PLA2G4A: variants seen among roughly 807,000 people sequenced by gnomAD.
The protein encoded by PLA2G4A is phospholipase A2 group IVA.
PLA2G4A carries 40 observed loss-of-function variants against 81.9 expected under a neutral mutation model. The ratio of observed to expected loss-of-function variants is 0.49; its 90% confidence interval spans 0.38 to 0.64. The LOEUF is 0.64. Among genes scored for constraint, PLA2G4A ranks in the 30% least tolerant of loss-of-function variants. PLA2G4A has a pLI of 0.00. For synonymous variants in PLA2G4A, 302 were observed against 296.9 expected, an observed-to-expected ratio of 1.02 and a Z score of -0.18; for missense variants, 715 against 905.1, an observed-to-expected ratio of 0.79 and a Z score of 2.69.
chr1:186,971,813 T>C (rs1657365852), intron 15 of PLA2G4A, among the ~76,000 whole-genome samples: 2 of 152,004 alleles, frequency 1.3e-5, no homozygotes, highest in African/African-American at 4.8e-5. Context: ...GGAGTCTACA[T>C]AAAGTTCTTT....
At chr1:186,881,035 C>T (rs1653712382) in intron 3 of PLA2G4A, among the ~76,000 whole-genome samples, 1 of 151,990 alleles carries the variant, frequency 6.6e-6, no homozygotes, top group African/African-American at 2.4e-5. Context: ...TACCAACTCT[C>T]AGTTAGCTAT....
At chr1:186,886,428 T>A (rs1653940548) in intron 3 of PLA2G4A, among the ~76,000 whole-genome samples, 1 of 152,156 alleles carries the variant, frequency 6.6e-6, no homozygotes, top group Non-Finnish European at 1.5e-5. Flanking sequence ...ACCAGCTTAG[T>A]ACATGGGTAG....
At chr1:186,849,048 C>CT (rs1233450113) in intron 1 of PLA2G4A, among the ~76,000 whole-genome samples, 1 of 151,964 alleles carries the variant, frequency 6.6e-6, no homozygotes, top group Non-Finnish European at 1.5e-5. Context: ...ACTTGTTCTG[C>CT]TTTTTTTAAA....
At chr1:186,844,440 G>T (rs1349580812) in intron 1 of PLA2G4A, among the ~76,000 whole-genome samples, 1 of 152,156 alleles carries the variant, frequency 6.6e-6, no homozygotes, top group East Asian at 1.9e-4. Flanking sequence ...TTTGCTTTTA[G>T]AATATGCTTC....
chr1:186,912,598 A>G (rs1484321901), intron 7 of PLA2G4A, among the ~76,000 whole-genome samples: 1 of 151,518 alleles, frequency 6.6e-6, no homozygotes, highest in African/African-American at 2.4e-5. Flanking sequence ...TCACTTAGTA[A>G]TACGAATATA....
In PLA2G4A at chr1:186,975,697, C is replaced by T. The variant is rs149700229; in HGVS notation, c.1765-1896C>T. Among the ~76,000 whole-genome samples the T allele has an allele frequency of 6.5e-3, 983 of 152,246 alleles. 13 individuals are homozygous for T. Among genetic ancestry groups the T allele is most frequent in the African/African-American group, 0.022 (926 of 41,548 alleles). ...GTGAATAATCTAGTCTGTGTTTGTT[C>T]GTTCCTCATTATCTCTGCGTTGCCT... On this transcript the variant is annotated intron_variant, in intron 15 of 17. Coordinates refer to ENST00000367466, the MANE Select transcript of PLA2G4A (RefSeq NM_024420.3).
chr1:186,939,495 A>C lies in PLA2G4A; in HGVS notation c.918+265A>C, dbSNP rs998825119. Among the ~76,000 whole-genome samples, 4 of 11,012 alleles carry C rather than the reference A, an allele frequency of 3.6e-4. No individual in the cohort carries two copies. In the African/African-American group the frequency reaches 3.8e-3, roughly 10 times the overall value. The allele number at this position is 11,012 out of a possible 152,430, so 7.2% of individuals were successfully genotyped here. On this transcript the variant is annotated intron_variant, in intron 9 of 17. Transcript: ENST00000367466. Reference sequence around the variant, plus strand: ...GCTTTTGTATTCCTTTTCTCTGGAAAAAAAAAAAAAAAAAAAAATTCACAT... The same window carrying C: ...GCTTTTGTATTCCTTTTCTCTGGAACAAAAAAAAAAAAAAAAAATTCACAT...
chr1:186,878,613 T>TTAG (rs1653608081), intron 3 of PLA2G4A, among the ~76,000 whole-genome samples: 1 of 151,882 alleles, frequency 6.6e-6, no homozygotes. Context: ...ATATAATGTG[T>TTAG]TAGTAAGGCA....
At chr1:186,968,626 G>A (rs186237754) in intron 15 of PLA2G4A, among the ~76,000 whole-genome samples, 148 of 151,662 alleles carry the variant, frequency 9.8e-4, no homozygotes, top group Non-Finnish European at 1.0e-3. Context: ...ATACAGATAC[G>A]TATTTATTTA....
At chr1:186,833,114 A>G (rs76367492) in intron 1 of PLA2G4A, among the ~76,000 whole-genome samples, 38 of 152,148 alleles carry the variant, frequency 2.5e-4, no homozygotes, top group Admixed American at 2.0e-4. Context: ...TGACTGTTCA[A>G]GTTTTGTAAG....
At chr1:186,837,912 T>C (rs1379317513) in intron 1 of PLA2G4A, among the ~76,000 whole-genome samples, 2 of 152,038 alleles carry the variant, frequency 1.3e-5, no homozygotes, top group African/African-American at 4.8e-5. Context: ...CATTGCCTCC[T>C]TTGTGGCAGG....
chr1:186,837,855 G>A (rs1651844221), intron 1 of PLA2G4A, among the ~76,000 whole-genome samples: 1 of 152,006 alleles, frequency 6.6e-6, no homozygotes, highest in East Asian at 1.9e-4. Flanking sequence ...GAGGGATTTT[G>A]CATCCAGAGA....
chr1:186,986,805 C>G (rs1002849021), intron 17 of PLA2G4A, among the ~76,000 whole-genome samples: 2 of 152,188 alleles, frequency 1.3e-5, no homozygotes, highest in South Asian at 2.1e-4. Flanking sequence ...TAATTGCCCT[C>G]CATCTCACAC....
chr1:186,937,092 A>G (rs1655975889), intron 8 of PLA2G4A, among the ~76,000 whole-genome samples: 1 of 151,738 alleles, frequency 6.6e-6, no homozygotes, highest in Non-Finnish European at 1.5e-5. Flanking sequence ...GGACACCATG[A>G]AAAGATTATC....
intron 3 of PLA2G4A, among the ~76,000 whole-genome samples, chr1:186,876,930 C>A (rs1012463654): frequency 3.9e-5 from 6 of 152,076 alleles, no homozygotes; most frequent in Non-Finnish European, 5.9e-5. Context: ...CTGCTTAATC[C>A]TCTTCAGAGG....
chr1:186,868,710 A>T (rs1418166268), intron 2 of PLA2G4A, among the ~76,000 whole-genome samples: 1 of 152,152 alleles, frequency 6.6e-6, no homozygotes, highest in African/African-American at 2.4e-5. Flanking sequence ...TCTTTAATAG[A>T]TATGCACCTA....
In PLA2G4A at chr1:186,979,943, C is replaced by CTTTTTTTT. The variant is rs34029312; in HGVS notation, c.2118+486_2118+493dup. 6.0e-4 allele frequency among the ~76,000 whole-genome samples: 59 copies of CTTTTTTTT among 98,796 alleles called. 2 individuals carry two copies. Among genetic ancestry groups the CTTTTTTTT allele is most frequent in the East Asian group, 9.8e-4 (3 of 3,058 alleles). 64.8% of individuals were successfully genotyped at this position (98,796 alleles called of 152,430 possible). The stretch of plus-strand genomic sequence containing the variant: ...GCATCACAAAACGTAACAGCATTTC[C>CTTTTTTTT]TTTTTTTTTTTTTTTTTTTTTTGAG... On this transcript the variant is annotated intron_variant, in intron 17 of 17. Transcript: ENST00000367466.
Position 186,988,373 on chromosome 1 carries a change from G to T in PLA2G4A, c.2119-4G>T. The T allele has an allele frequency of 6.2e-7, 1 of 1,608,498 alleles. No individual in the cohort carries two copies. The highest frequency in any genetic ancestry group is 1.1e-5 in the South Asian group (1 of 90,912). On this transcript the variant is annotated splice_polypyrimidine_tract_variant and splice_region_variant and intron_variant, in intron 17 of 17. Coordinates refer to ENST00000367466, the MANE Select transcript of PLA2G4A (RefSeq NM_024420.3). ...AATTATACAACTTCTGTCTCTATTT[G>T]CAGGTGATAAAAGAAGCCATGGTTG...
At chr1:186,947,000 T>A in intron 12 of PLA2G4A, 39 bp downstream of exon 12, 1 of 1,087,240 alleles carries the variant, frequency 9.2e-7, no homozygotes, top group Non-Finnish European at 1.4e-6. Context: ...CAAATCTTGC[T>A]ACATTGATAA....
Sources: gnomAD v4.1 joint callset for allele counts (sites outside exome capture counted in the v4.1 genomes callset) on GRCh38, gnomAD v4.1.1 for gene constraint, MANE v1.5 for transcripts, NCBI Gene and HGNC (gene_info 2026-07-23, HGNC 2026-07-21) for gene names.